The following OTOGL variants were observed in gnomAD, a reference collection of about 807,000 sequenced individuals.
OTOGL encodes otogelin like.
Under a neutral mutation model 318.5 loss-of-function variants are expected in OTOGL, and 285 were observed. That is an observed-to-expected ratio of 0.89 (90% CI 0.81 to 0.99). The LOEUF is 0.99. OTOGL is among the 50% of genes least tolerant of loss of function. The pLI, the probability that OTOGL is intolerant of heterozygous loss-of-function variation, is 0.00. For synonymous variants in OTOGL, 987 were observed against 936.5 expected (o/e 1.05, Z -0.99); for missense variants, 2,899 against 2,845.6 (o/e 1.02, Z -0.43).
intron 1 of OTOGL, chr12:80,103,235 A>G (rs1869248271): frequency 1.4e-6 from 2 of 1,457,356 alleles, no homozygotes; most frequent in South Asian, 2.3e-5. Context: ...CTTTGGAAAG[A>G]AGGGAAGACA....
chr12:80,307,181 A>G lies in OTOGL; in HGVS notation c.3333+1486A>G, dbSNP rs375656905. Among the ~76,000 whole-genome samples the G allele has an allele frequency of 1.6e-3, 246 of 151,402 alleles. 9 individuals are homozygous for G. In the East Asian group the frequency reaches 0.041, roughly 25 times the overall value. ...GAAGAATTTTTCTTAGTACAGAACA[A>G]AATGAAAAGTCTCCCATGTCTACCT... On this transcript the variant is annotated intron_variant, in intron 29 of 58. Transcript: ENST00000547103.
chr12:80,354,089 G>C (rs1372210880), intron 46 of OTOGL, among the ~76,000 whole-genome samples: 6 of 152,172 alleles, frequency 3.9e-5, no homozygotes, highest in Admixed American at 1.3e-4. Context: ...GAGGTGTCTG[G>C]ATCATGGGGC....
At chr12:80,285,319 C>T (rs1433796213) in intron 26 of OTOGL, among the ~76,000 whole-genome samples, 1 of 152,086 alleles carries the variant, frequency 6.6e-6, no homozygotes, top group African/African-American at 2.4e-5. Context: ...CATGATGTCT[C>T]CAGCTTTGTT....
chr12:80,120,081 G>T (rs1870398603), intron 1 of OTOGL, among the ~76,000 whole-genome samples: 1 of 151,480 alleles, frequency 6.6e-6, no homozygotes. Context: ...TTTTTCTGGA[G>T]TAGCAGAGTT....
intron 26 of OTOGL, among the ~76,000 whole-genome samples, chr12:80,288,202 C>A (rs1011000297): frequency 7.9e-5 from 12 of 152,120 alleles, no homozygotes; most frequent in African/African-American, 2.2e-4. Flanking sequence ...AAATTCTTTT[C>A]TTTAAGAATG....
chr12:80,355,951 A>G lies in OTOGL; in HGVS notation c.5806+3A>G. The G allele has an allele frequency of 6.2e-7, 1 of 1,613,220 alleles. No homozygotes were observed. Among genetic ancestry groups the G allele is most frequent in the Non-Finnish European group, 8.5e-7 (1 of 1,179,174 alleles). ...CTGCTGTTCAAAGGAAGTTTGTGGT[A>G]TGTATGCAGAAGCCTTATAGTCAAT... On this transcript the variant is annotated splice_donor_region_variant and intron_variant, in intron 47 of 58. Transcript: ENST00000547103.
intron 11 of OTOGL, among the ~76,000 whole-genome samples, chr12:80,249,740 G>C (rs868146583): frequency 2.0e-5 from 3 of 152,138 alleles, no homozygotes; most frequent in Non-Finnish European, 4.4e-5. Flanking sequence ...AAGCCTGGGC[G>C]ATGGCGGGCG....
rs1170434585 is a variant in OTOGL, at chr12:80,335,513, AG to A, written c.4423-448del. 7.2e-5 allele frequency among the ~76,000 whole-genome samples: 11 copies of A among 152,254 alleles called. No individual in the cohort carries two copies. The East Asian group carries it at 2.1e-3, about 29-fold the overall frequency. On this transcript the variant is annotated intron_variant, in intron 38 of 58. Coordinates refer to ENST00000547103, the MANE Select transcript of OTOGL (RefSeq NM_001378609.3). ...AAATTAATTTATGATTATACACTCT[AG>A]GTGCTGTGAAACTGATGTTATATAT...
At chr12:80,255,781 A>G (rs1242903914) in intron 16 of OTOGL, among the ~76,000 whole-genome samples, 2 of 151,902 alleles carry the variant, frequency 1.3e-5, no homozygotes, top group African/African-American at 2.4e-5. Context: ...TTTTGCCAAA[A>G]TATTTAATTT....
intron 11 of OTOGL, among the ~76,000 whole-genome samples, chr12:80,242,812 G>C (rs1880496023): frequency 6.6e-6 from 1 of 152,074 alleles, no homozygotes; most frequent in African/African-American, 2.4e-5. Context: ...TAAATTCAAA[G>C]TGCTTTAAAT....
intron 1 of OTOGL, among the ~76,000 whole-genome samples, chr12:80,205,938 T>C (rs1001592856): frequency 1.3e-5 from 2 of 152,344 alleles, no homozygotes; most frequent in East Asian, 3.9e-4. Context: ...TTTAATGTGT[T>C]GGGTTGAGGC....
intron 11 of OTOGL, among the ~76,000 whole-genome samples, chr12:80,250,136 A>G (rs1352706891): frequency 6.6e-6 from 1 of 152,062 alleles, no homozygotes; most frequent in Non-Finnish European, 1.5e-5. Context: ...TGTGTCGCTC[A>G]CGCTGGGAGC....
intron 49 of OTOGL, 45 bp downstream of exon 49, chr12:80,356,959 A>C (rs1566011779): frequency 8.2e-7 from 1 of 1,212,986 alleles, no homozygotes; most frequent in Admixed American, 3.2e-5. Context: ...GAAAGGATCT[A>C]GGAAAAAAAT....
chr12:80,335,756 T>G (rs533200126), intron 38 of OTOGL, among the ~76,000 whole-genome samples: 1 of 152,138 alleles, frequency 6.6e-6, no homozygotes, highest in African/African-American at 2.4e-5. Flanking sequence ...CAATCAATAT[T>G]AAGTTAAAGC....
intron 33 of OTOGL, 144 bp downstream of exon 33, chr12:80,318,857 C>A: frequency 5.4e-6 from 3 of 550,574 alleles, no homozygotes; most frequent in Non-Finnish European, 8.1e-6. Context: ...ATAACATTGG[C>A]ATATCAGCCA....
At chr12:80,248,261 G>C (rs1018440806) in intron 11 of OTOGL, among the ~76,000 whole-genome samples, 4 of 147,380 alleles carry the variant, frequency 2.7e-5, no homozygotes, top group East Asian at 2.0e-4. Context: ...TCCTAGTCTC[G>C]ATGGTCTTTA....
chr12:80,256,252 C>T, intron 16 of OTOGL, 85 bp from the exon 17 acceptor site: 1 of 1,418,516 alleles, frequency 7.0e-7, no homozygotes, highest in South Asian at 1.4e-5. Flanking sequence ...CCCCTTCTCC[C>T]TTTCTCCCAT....
chr12:80,253,317 G>T, intron 13 of OTOGL, 149 bp from the exon 14 acceptor site: 1 of 664,900 alleles, frequency 1.5e-6, no homozygotes, highest in East Asian at 2.8e-5. Context: ...TGAGAGTCAG[G>T]TTGTCAGTAA....
chr12:80,220,600 C>T (rs1401827467), intron 6 of OTOGL, among the ~76,000 whole-genome samples: 8 of 136,550 alleles, frequency 5.9e-5, no homozygotes, highest in East Asian at 2.0e-4. Flanking sequence ...GAGACTTCTT[C>T]GAGGGCAAGG....
Sources: allele counts gnomAD v4.1 joint callset (sites outside exome capture counted in the v4.1 genomes callset), GRCh38; gene constraint gnomAD v4.1.1; transcripts MANE v1.5; gene names NCBI Gene and HGNC (gene_info 2026-07-23, HGNC 2026-07-21).